PNPLA7: variants seen among roughly 807,000 people sequenced by gnomAD.
PNPLA7 encodes patatin-like phospholipase domain-containing protein 7.
PNPLA7 carries 153 observed loss-of-function variants against 161.7 expected under a neutral mutation model. The ratio of observed to expected loss-of-function variants is 0.95; its 90% CI spans 0.83 to 1.08. The LOEUF (loss-of-function observed/expected upper bound fraction) is 1.08. Ranked by LOEUF, PNPLA7 falls within the 50% of genes least tolerant of loss-of-function variation. PNPLA7 has a pLI of 0.00. For missense variants in PNPLA7, 1,739 were observed against 1,856.6 expected (o/e 0.94, Z 1.16); for synonymous variants, 809 against 782.1 (o/e 1.03, Z -0.57).
At chr9:137,480,561 C>A in intron 22 of PNPLA7, 81 bp from the exon 23 acceptor site, 1 of 1,461,354 alleles carries the variant, frequency 6.8e-7, no homozygotes, top group South Asian at 1.4e-5. Flanking sequence ...AAAGAGGCAG[C>A]AGAGGCCAGC....
chr9:137,485,607 C>T lies in PNPLA7; in HGVS notation c.2198-871G>A, dbSNP rs76518391. On this transcript the variant is annotated intron_variant, in intron 20 of 34. Transcript: ENST00000406427. The stretch of plus-strand genomic sequence containing the variant: ...AGTAAACAACACACGGGCTAGACAT[C>T]AATAGGCCCGTTTCTCTTGTCTGTC... Among the ~76,000 whole-genome samples the T allele has an allele frequency of 2.0e-5, 3 of 152,378 alleles. No individual in the cohort carries two copies. The South Asian group carries it at 6.2e-4, about 32-fold the overall frequency.
intron 15 of PNPLA7, among the ~76,000 whole-genome samples, chr9:137,501,152 C>G (rs4962231): frequency 0.043 from 6,516 of 152,328 alleles, 172 homozygotes; most frequent in South Asian, 0.069. Context: ...CACCTTCCCT[C>G]CCGGCACCCG....
rs144167030 is a variant in PNPLA7 at position 137,515,456 on chromosome 9, G to A, written c.1148C>T (p.Ala383Val). 438 of 1,592,742 alleles carry A rather than the reference G, an allele frequency of 2.7e-4. 1 individual carries two copies. The Middle Eastern group carries it at 3.0e-3, about 11-fold the overall frequency. Reference protein sequence around the residue: ...PLLKRSHSVPAPSIRKQILEE... With the variant: ...PLLKRSHSVPVPSIRKQILEE... ...CAAGATCTGTTTGCGAATGGAAGGCGCGGGGACGGAGTGGCTCCTCTTCAG... is the reference window on the plus strand; with the variant it reads ...CAAGATCTGTTTGCGAATGGAAGGCACGGGGACGGAGTGGCTCCTCTTCAG... The change falls in exon 12 of 35, where the codon GCG becomes GTG. Residue 383 changes from alanine to valine, a missense_variant. Around this residue, in one of 6 missense-constraint regions of PNPLA7, gnomAD observed 481 missense variants for 450.0 expected, o/e 1.07. Transcript: ENST00000406427.
chr9:137,460,760 G>A lies in PNPLA7; in HGVS notation c.3842-23C>T, dbSNP rs371775998. The A allele has an allele frequency of 1.6e-5, 25 of 1,598,132 alleles. No individual in the cohort carries two copies. In the Admixed American group the frequency reaches 2.7e-4, roughly 17 times the overall value. On this transcript the variant is annotated intron_variant, in intron 33 of 34. Transcript: ENST00000406427. The stretch of plus-strand genomic sequence containing the variant: ...CGTCTGGCACCGAGGGTAGGGCTGC[G>A]TCAGTCCCCTCCCAAGGAAGGGACC...
chr9:137,501,546 T>A, intron 15 of PNPLA7, 104 bp downstream of exon 15: 1 of 1,112,850 alleles, frequency 9.0e-7, no homozygotes, highest in Non-Finnish European at 1.3e-6. Context: ...TGCTGGGAGG[T>A]CCCCAGTCAC....
In PNPLA7 at chr9:137,505,795, G is replaced by T. The variant is rs765489194; in HGVS notation, c.1327-35C>A. 15 of 1,610,926 alleles carry T rather than the reference G, an allele frequency of 9.3e-6. 1 individual carries two copies. The South Asian group carries it at 1.3e-4, about 14-fold the overall frequency. On this transcript the variant is annotated intron_variant, in intron 13 of 34. Coordinates refer to ENST00000406427, the MANE Select transcript of PNPLA7 (RefSeq NM_001098537.3). ...AACGGAGATACCGGCAATTCGAAGG[G>T]ATGTGGTTGGGGAACATCGCACAAG... is the stretch of plus-strand genomic sequence containing the variant.
intron 8 of PNPLA7, among the ~76,000 whole-genome samples, chr9:137,538,232 G>A (rs1200821433): frequency 6.6e-6 from 1 of 152,198 alleles, no homozygotes; most frequent in African/African-American, 2.4e-5. Context: ...AGCCTCCCCA[G>A]CACAGGCCAC....
intron 8 of PNPLA7, among the ~76,000 whole-genome samples, chr9:137,528,185 A>C (rs1291148516): frequency 6.6e-6 from 1 of 152,136 alleles, no homozygotes; most frequent in African/African-American, 2.4e-5. Flanking sequence ...ACGTCTTCCA[A>C]GAGCCAGCTT....
At position 137,541,286 on chromosome 9, in the gene PNPLA7, C is replaced by T. The variant is rs899626313; in HGVS notation, c.667-564G>A. The T allele has an allele frequency of 1.2e-4, 36 of 294,390 alleles. No individual in the cohort carries two copies. The highest frequency in any genetic ancestry group is 1.6e-4 in the Non-Finnish European group (31 of 198,410). The allele number at this position is 294,390 out of a possible 1,614,324, so 18.2% of individuals were successfully genotyped here. ...TCTGGTCCTTCAGGAGGGCCCCGCA[C>T]GAGCGGCAACGAAAGCCGCTGCTTC... is the stretch of plus-strand genomic sequence containing the variant. On this transcript the variant is annotated intron_variant, in intron 7 of 34. Transcript: ENST00000406427. The surrounding 1 kb of genome is among the most constrained non-coding windows in gnomAD (Gnocchi z 4.4).
At chr9:137,501,910 G>A (rs749837075) in intron 14 of PNPLA7, among the ~76,000 whole-genome samples, 183 bp from the exon 15 acceptor site, 23 of 152,240 alleles carry the variant, frequency 1.5e-4, no homozygotes, top group Non-Finnish European at 2.8e-4. Flanking sequence ...CAGAGCCACC[G>A]ATGCCAAACC....
At position 137,497,186 on chromosome 9, in the gene PNPLA7, C is replaced by CGTGTCATTG; in HGVS notation, c.2013_2013+1insCAATGACAC (p.Val671_Val672insGlnTer). On this transcript the variant is annotated stop_gained and inframe_insertion and splice_region_variant. Coordinates refer to ENST00000406427, the MANE Select transcript of PNPLA7 (RefSeq NM_001098537.3). LOFTEE classifies it high-confidence loss of function. The stretch of plus-strand genomic sequence containing the variant: ...AGGCAGGAGCAGGGCCCAGCACCTA[C>CGTGTCATTG]CACGCCGACGAGGTCTCCTCGGCCG... 1 of 1,573,324 alleles carries CGTGTCATTG rather than the reference C, an allele frequency of 6.4e-7. No individual in the cohort carries two copies. Among genetic ancestry groups the CGTGTCATTG allele is most frequent in the Non-Finnish European group, 8.6e-7 (1 of 1,161,356 alleles).
intron 8 of PNPLA7, among the ~76,000 whole-genome samples, chr9:137,536,784 G>T (rs1835915899): frequency 6.6e-6 from 1 of 151,250 alleles, no homozygotes; most frequent in Non-Finnish European, 1.5e-5. Context: ...GGAAGCATGG[G>T]GGCCATCCAC....
Position 137,521,672 on chromosome 9 carries a change from G to A in PNPLA7, c.921C>T (p.His307=). Residue 307 remains histidine, a synonymous_variant, in exon 10 of 35, where the codon CAC becomes CAT. Transcript: ENST00000406427. ...GCTCTGTGGTCAGGCCGAGGTAGTT[G>A]TGCAGAGCCAGAAAGGTCACCCTCT... The part of the protein sequence containing the change: ...RLQRVTFLAL[H]NYLGLTTELF... 3 of 1,612,270 alleles carry A rather than the reference G, an allele frequency of 1.9e-6. No homozygotes were observed. The highest frequency in any genetic ancestry group is 2.5e-6 in the Non-Finnish European group (3 of 1,179,804).
At chr9:137,502,712 C>CG (rs1392067298) in intron 14 of PNPLA7, among the ~76,000 whole-genome samples, 4 of 8,218 alleles carry the variant, frequency 4.9e-4, no homozygotes, top group African/African-American at 7.1e-4. Context: ...GCGGGGGACG[C>CG]GGGGGACGCG....
At chr9:137,505,919 C>A in intron 13 of PNPLA7, 64 bp downstream of exon 13, 1 of 1,547,702 alleles carries the variant, frequency 6.5e-7, no homozygotes, top group Non-Finnish European at 8.8e-7. Context: ...GCCCCCAATG[C>A]ACCAGCAAGC....
At chr9:137,532,508 C>A (rs745386539) in intron 8 of PNPLA7, among the ~76,000 whole-genome samples, 35 of 152,174 alleles carry the variant, frequency 2.3e-4, no homozygotes, top group Non-Finnish European at 4.9e-4. Context: ...TATCTCTGCT[C>A]TCTTAAAAAG....
chr9:137,483,043 TTG>T (rs1832299348), intron 21 of PNPLA7, among the ~76,000 whole-genome samples: 1 of 152,112 alleles, frequency 6.6e-6, no homozygotes, highest in Non-Finnish European at 1.5e-5. Context: ...TGGCTAATTT[TTG>T]TGTTTTTAGT....
In PNPLA7 at chr9:137,467,206, G is replaced by A. The variant is rs1270252045; in HGVS notation, c.3039+111C>T. 53 of 1,399,072 alleles carry A rather than the reference G, an allele frequency of 3.8e-5. No homozygotes were observed. The highest frequency in any genetic ancestry group is 5.4e-5 in the Admixed American group (2 of 37,376). 86.7% of individuals were successfully genotyped at this position (1,399,072 alleles called of 1,614,324 possible). A position where few individuals can be genotyped will look rare whatever the true frequency, so the allele number is the denominator to read the frequency against. Reference sequence around the variant, plus strand: ...GGAGGCTTCAGGGGGTAGCCTCCTCGAGGGCAGGGCCCTGCAGAGCCACAT... The same window carrying A: ...GGAGGCTTCAGGGGGTAGCCTCCTCAAGGGCAGGGCCCTGCAGAGCCACAT... On this transcript the variant is annotated intron_variant, in intron 26 of 34. Transcript: ENST00000406427. This position sits in a 1 kb window ranked among gnomAD's most constrained non-coding sequence, Gnocchi z 5.1.
At chr9:137,492,637 T>G (rs1355315305) in intron 20 of PNPLA7, among the ~76,000 whole-genome samples, 25 of 16,132 alleles carry the variant, frequency 1.5e-3, no homozygotes, top group Admixed American at 2.7e-3. Flanking sequence ...GCTGGGTGGG[T>G]GGGACTGCAC....
Sources: allele counts gnomAD v4.1 joint callset (sites outside exome capture counted in the v4.1 genomes callset), GRCh38; gene constraint gnomAD v4.1.1; regional missense constraint gnomAD v4.1.1; non-coding constraint Gnocchi (gnomAD v3.1); transcripts MANE v1.5; gene names NCBI Gene and HGNC (gene_info 2026-07-23, HGNC 2026-07-21).